The following PROM1 variants were observed in gnomAD, a reference collection of about 807,000 sequenced individuals.
PROM1 encodes prominin-1.
A neutral mutation model predicts 116.9 loss-of-function variants in PROM1; 105 were observed. The observed-to-expected ratio is 0.90, with a 90% CI of 0.77 to 1.06. The LOEUF (loss-of-function observed/expected upper bound fraction) is 1.06, where lower values mean the gene tolerates loss of function less well. Among genes scored for constraint, PROM1 ranks in the 50% least tolerant of loss-of-function variants. The probability of loss-of-function intolerance (pLI) is 0.00; values close to 1 mark genes in which losing one functional copy is unlikely to be tolerated. For missense variants in PROM1, 1,122 were observed against 1,045.2 expected, an observed-to-expected ratio of 1.07 and a Z score of -1.01; for synonymous variants, 393 against 387.0, an observed-to-expected ratio of 1.02 and a Z score of -0.18.
In PROM1 at chr4:16,033,288, C is replaced by A; in HGVS notation, c.509+16G>T. 1.3e-6 allele frequency: 2 copies of A among 1,591,186 alleles called. No homozygotes were observed. Among genetic ancestry groups the A allele is most frequent in the Non-Finnish European group, 1.7e-6 (2 of 1,163,388 alleles). ...AGCCTAAAACACAATCAGTTGTTGTCCAATATTGTACTTGCCTTATTATTA... is the reference window on the plus strand; with the variant it reads ...AGCCTAAAACACAATCAGTTGTTGTACAATATTGTACTTGCCTTATTATTA... On this transcript the variant is annotated intron_variant, in intron 5 of 27. Coordinates refer to ENST00000447510, the MANE Select transcript of PROM1 (RefSeq NM_006017.3).
intron 2 of PROM1, among the ~76,000 whole-genome samples, chr4:16,052,621 G>T (rs1029412162): frequency 1.3e-5 from 2 of 152,032 alleles, no homozygotes; most frequent in African/African-American, 4.8e-5. Context: ...GGGACTACAG[G>T]TGCACAACAC....
chr4:16,054,685 G>A (rs1738604251), intron 2 of PROM1, among the ~76,000 whole-genome samples: 2 of 152,160 alleles, frequency 1.3e-5, no homozygotes, highest in South Asian at 2.1e-4. Flanking sequence ...TACATATTGA[G>A]CAATTAATAG....
chr4:15,985,489 T>C (rs16892731), intron 22 of PROM1: 7,365 of 424,186 alleles, frequency 0.017, 509 homozygotes, highest in African/African-American at 0.14. Context: ...AGTTCAAATT[T>C]GTTACCTGGC....
At chr4:16,003,138 T>G (rs971869535) in intron 13 of PROM1, 1 of 371,772 alleles carries the variant, frequency 2.7e-6, no homozygotes, top group Non-Finnish European at 5.5e-6. Flanking sequence ...ATGCATTATC[T>G]TAGAAACTTT....
chr4:16,004,232 A>C (rs941717198), intron 13 of PROM1, among the ~76,000 whole-genome samples: 1 of 152,200 alleles, frequency 6.6e-6, no homozygotes, highest in Non-Finnish European at 1.5e-5. Context: ...CTAAGTCTGC[A>C]GACTCCTTGA....
chr4:15,993,203 G>C (rs375004659), intron 16 of PROM1, among the ~76,000 whole-genome samples: 1 of 152,220 alleles, frequency 6.6e-6, no homozygotes, highest in Non-Finnish European at 1.5e-5. Context: ...GCAGCAGTGC[G>C]CAAGCTGTGG....
chr4:16,003,267 C>A (rs1009358781), intron 13 of PROM1: 4 of 456,622 alleles, frequency 8.8e-6, no homozygotes, highest in Middle Eastern at 3.3e-4. Flanking sequence ...AGGCTGTTTC[C>A]AGTGCTTCAC....
chr4:15,999,420 T>C (rs903448923), intron 14 of PROM1, among the ~76,000 whole-genome samples: 2 of 151,314 alleles, frequency 1.3e-5, no homozygotes, highest in Non-Finnish European at 1.5e-5. Context: ...GCAGTGAGCC[T>C]AGATGGCACC....
chr4:16,003,050 C>T (rs1724271771), intron 13 of PROM1, among the ~76,000 whole-genome samples: 1 of 152,202 alleles, frequency 6.6e-6, no homozygotes, highest in Admixed American at 6.5e-5. Flanking sequence ...CTTGGCCCTT[C>T]TTGGGAAAAG....
chr4:15,985,580 T>C lies in PROM1; in HGVS notation c.2280+180A>G, dbSNP rs923721542. 4 of 610,066 alleles carry C rather than the reference T, an allele frequency of 6.6e-6. No homozygotes were observed. The Admixed American group carries it at 1.3e-4, about 20-fold the overall frequency. 37.8% of individuals were successfully genotyped at this position (610,066 alleles called of 1,614,324 possible). A position where few individuals can be genotyped will look rare whatever the true frequency, so the allele number is the denominator to read the frequency against. ...AAGGTGAGCAAAGGGGACCAGGAGGTGGCTGTCCTCTGACCTGGTGGGAAG... is the reference window on the plus strand; with the variant it reads ...AAGGTGAGCAAAGGGGACCAGGAGGCGGCTGTCCTCTGACCTGGTGGGAAG... On this transcript the variant is annotated intron_variant, in intron 22 of 27. Coordinates refer to ENST00000447510, the MANE Select transcript of PROM1 (RefSeq NM_006017.3).
chr4:16,043,342 G>A (rs1335364571), intron 2 of PROM1, among the ~76,000 whole-genome samples: 1 of 152,154 alleles, frequency 6.6e-6, no homozygotes, highest in Non-Finnish European at 1.5e-5. Context: ...TCATAGAGAT[G>A]GGATCTCATT....
At chr4:16,045,189 C>G (rs772323022) in intron 2 of PROM1, among the ~76,000 whole-genome samples, 1 of 152,146 alleles carries the variant, frequency 6.6e-6, no homozygotes, top group Admixed American at 6.5e-5. Context: ...TATTCCCCAG[C>G]TCTTTTGCAG....
At chr4:16,055,346 A>T (rs1187251020) in intron 2 of PROM1, 1 of 455,306 alleles carries the variant, frequency 2.2e-6, no homozygotes, top group Non-Finnish European at 4.4e-6. Flanking sequence ...CCCAGGCAAA[A>T]ATTCCCCTTG....
intron 2 of PROM1, among the ~76,000 whole-genome samples, chr4:16,039,576 A>G (rs183476760): frequency 6.6e-6 from 1 of 152,234 alleles, no homozygotes; most frequent in Non-Finnish European, 1.5e-5. Flanking sequence ...CGTCTCTACT[A>G]AAAATACAAA....
In PROM1 at chr4:16,033,515, A is replaced by G; in HGVS notation, c.304-6T>C. On this transcript the variant is annotated splice_region_variant and splice_polypyrimidine_tract_variant and intron_variant, in intron 4 of 27. Coordinates refer to ENST00000447510, the MANE Select transcript of PROM1 (RefSeq NM_006017.3). ...CCTGCTTCATAGTAGACAATCTGCAATTCAAACAAAAGAAACAGCACATAT... is the reference window on the plus strand; with the variant it reads ...CCTGCTTCATAGTAGACAATCTGCAGTTCAAACAAAAGAAACAGCACATAT... The G allele has an allele frequency of 6.3e-7, 1 of 1,584,324 alleles. No individual in the cohort carries two copies. The highest frequency in any genetic ancestry group is 8.6e-7 in the Non-Finnish European group (1 of 1,162,988).
chr4:16,048,436 T>G (rs1326626938), intron 2 of PROM1, among the ~76,000 whole-genome samples: 1 of 152,224 alleles, frequency 6.6e-6, no homozygotes, highest in Non-Finnish European at 1.5e-5. Flanking sequence ...TCCACATGAC[T>G]AAACTGTTCA....
intron 19 of PROM1, among the ~76,000 whole-genome samples, chr4:15,988,112 G>C (rs909742761): frequency 6.6e-6 from 1 of 152,216 alleles, no homozygotes; most frequent in South Asian, 2.1e-4. Flanking sequence ...TCCTGACCTG[G>C]TGATCCACCC....
chr4:16,081,889 A>G (rs1167054797), intron 1 of PROM1, among the ~76,000 whole-genome samples: 1 of 145,074 alleles, frequency 6.9e-6, no homozygotes, highest in East Asian at 2.0e-4. Flanking sequence ...AAGGAAGTTT[A>G]GAAAAAAATT....
chr4:16,028,713 G>C (rs900339812), intron 5 of PROM1, among the ~76,000 whole-genome samples: 17 of 152,136 alleles, frequency 1.1e-4, no homozygotes, highest in African/African-American at 4.1e-4. Context: ...ATGATACCAA[G>C]AGACATTTAC....
Sources: gnomAD v4.1 joint callset for allele counts (sites outside exome capture counted in the v4.1 genomes callset) on GRCh38, gnomAD v4.1.1 for gene constraint, MANE v1.5 for transcripts, NCBI Gene and HGNC (gene_info 2026-07-23, HGNC 2026-07-21) for gene names.